Variants in ZNF704 observed in about 807,000 individuals in gnomAD.
ZNF704 encodes zinc finger protein 704, also known as glucocorticoid induced gene 1.
ZNF704 carries 10 observed loss-of-function variants against 44.7 expected under a neutral mutation model. That is an observed-to-expected ratio of 0.22 (90% confidence interval 0.14 to 0.38). The LOEUF (loss-of-function observed/expected upper bound fraction) is 0.38, where lower values mean the gene tolerates loss of function less well. Ranked by LOEUF, ZNF704 falls within the 10% of genes least tolerant of loss-of-function variation. The probability of loss-of-function intolerance (pLI) is 1.00; values close to 1 mark genes in which losing one functional copy is unlikely to be tolerated. For synonymous variants in ZNF704, 211 were observed against 207.6 expected, an observed-to-expected ratio of 1.02 and a Z score of -0.14; for missense variants, 390 against 545.5, an observed-to-expected ratio of 0.71 and a Z score of 2.84.
chr8:80,827,558 T>A (rs1157882489), intron 1 of ZNF704, among the ~76,000 whole-genome samples: 1 of 152,144 alleles, frequency 6.6e-6, no homozygotes, highest in African/African-American at 2.4e-5. Flanking sequence ...TTCACAGAAT[T>A]GGAAAAAAAC....
chr8:80,789,653 G>A (rs1381087103), intron 2 of ZNF704, among the ~76,000 whole-genome samples: 1 of 152,050 alleles, frequency 6.6e-6, no homozygotes, highest in African/African-American at 2.4e-5. Flanking sequence ...TAAGTGGGAG[G>A]ATCTCTTGAG....
chr8:80,872,849 C>G (rs1278226375), intron 1 of ZNF704, among the ~76,000 whole-genome samples: 1 of 152,110 alleles, frequency 6.6e-6, no homozygotes, highest in African/African-American at 2.4e-5. Context: ...TCCTGGTTTC[C>G]TCTTTTTTTC....
intron 2 of ZNF704, among the ~76,000 whole-genome samples, chr8:80,755,311 C>T (rs1807016803): frequency 6.6e-6 from 1 of 151,982 alleles, no homozygotes; most frequent in African/African-American, 2.4e-5. Context: ...CTAAATTAGC[C>T]ACGTGTGGTG....
At chr8:80,684,005 T>G (rs552079428) in intron 4 of ZNF704, among the ~76,000 whole-genome samples, 2 of 152,210 alleles carry the variant, frequency 1.3e-5, no homozygotes, top group Non-Finnish European at 2.9e-5. Context: ...AGTCCTCAAA[T>G]GTCTATTAAA....
intron 7 of ZNF704, among the ~76,000 whole-genome samples, chr8:80,650,888 A>C (rs1285282596): frequency 6.6e-6 from 1 of 152,224 alleles, no homozygotes; most frequent in Non-Finnish European, 1.5e-5. Context: ...GCTGAAATGA[A>C]GGAAAAAATA....
chr8:80,850,056 C>T (rs1327655855), intron 1 of ZNF704, among the ~76,000 whole-genome samples: 1 of 152,100 alleles, frequency 6.6e-6, no homozygotes, highest in African/African-American at 2.4e-5. Context: ...GGATTTCACA[C>T]AAATTTATTA....
chr8:80,870,697 GC>G (rs1809236808), intron 1 of ZNF704, among the ~76,000 whole-genome samples: 1 of 151,896 alleles, frequency 6.6e-6, no homozygotes, highest in South Asian at 2.1e-4. Flanking sequence ...ATAGTGCTGT[GC>G]CCCAGAATCA....
At chr8:80,716,680 C>T (rs1819077406) in intron 2 of ZNF704, among the ~76,000 whole-genome samples, 1 of 152,212 alleles carries the variant, frequency 6.6e-6, no homozygotes, top group African/African-American at 2.4e-5. Context: ...TTGTTCATAA[C>T]TTAGCAAGTT....
chr8:80,760,140 C>T (rs985769844), intron 2 of ZNF704, among the ~76,000 whole-genome samples: 1 of 152,158 alleles, frequency 6.6e-6, no homozygotes, highest in African/African-American at 2.4e-5. Flanking sequence ...ATTCCTGACC[C>T]ACAGATACTA....
rs1173899981 is a variant in ZNF704 at position 80,664,946 on chromosome 8, G to C, written c.796C>G (p.Pro266Ala). ...CTTGAATCTGGGATGGGGAAAGTAG[G>C]AGGTGAAGCCAGGGACTGGGAAGGT... ...VSPSQSLASP[P>A]TFPIPDSSRT... Residue 266 changes from proline (P) to alanine (A), a missense_variant, in exon 6 of 9, where the codon CCT becomes GCT. Physicochemically the swap from Pro to Ala is conservative, Grantham distance 27 (BLOSUM62 -1). Coordinates refer to ENST00000327835, the MANE Select transcript of ZNF704 (RefSeq NM_001033723.3). 1 of 1,614,206 alleles carries C rather than the reference G, an allele frequency of 6.2e-7. No homozygotes were observed. Among genetic ancestry groups the C allele is most frequent in the East Asian group, 2.2e-5 (1 of 44,876 alleles).
At chr8:80,836,365 C>G (rs1206506068) in intron 1 of ZNF704, among the ~76,000 whole-genome samples, 1 of 152,172 alleles carries the variant, frequency 6.6e-6, no homozygotes, top group African/African-American at 2.4e-5. Flanking sequence ...CTTCCTCACC[C>G]TTTTCAGTCT....
intron 1 of ZNF704, among the ~76,000 whole-genome samples, chr8:80,873,161 GAATAA>G (rs1370096031): frequency 6.6e-6 from 1 of 152,156 alleles, no homozygotes; most frequent in Non-Finnish European, 1.5e-5. Flanking sequence ...CCTTGGGGGA[GAATAA>G]AATCTCACTC....
chr8:80,830,685 A>G (rs1204147096), intron 1 of ZNF704, among the ~76,000 whole-genome samples: 1 of 151,874 alleles, frequency 6.6e-6, no homozygotes, highest in Non-Finnish European at 1.5e-5. Context: ...GAAGGAAGGA[A>G]GGAAACCAGA....
At chr8:80,663,757 TA>T (rs1818139834) in intron 6 of ZNF704, among the ~76,000 whole-genome samples, 1 of 152,080 alleles carries the variant, frequency 6.6e-6, no homozygotes, top group African/African-American at 2.4e-5. Context: ...GACAGGGTCT[TA>T]CTCTGTCACC....
chr8:80,649,791 T>C (rs937674120), intron 7 of ZNF704, among the ~76,000 whole-genome samples: 8 of 152,210 alleles, frequency 5.3e-5, no homozygotes, highest in Admixed American at 3.9e-4. Context: ...TAAATGTCCC[T>C]GTCTGACAGC....
chr8:80,695,352 T>G (rs975780584), intron 2 of ZNF704, among the ~76,000 whole-genome samples: 1 of 152,186 alleles, frequency 6.6e-6, no homozygotes, highest in Admixed American at 6.5e-5. Flanking sequence ...CTTCCAAGAC[T>G]GAATTAGGAG....
Position 80,788,892 on chromosome 8 carries a change from T to G in ZNF704, c.221+32482A>C, listed in dbSNP as rs149970024. ...CAAAATCCCCACTTAAAAACAACTA[T>G]GTACTAACCACTGCCCATTTTTCTC... On this transcript the variant is annotated intron_variant, in intron 2 of 8. Coordinates refer to ENST00000327835, the MANE Select transcript of ZNF704 (RefSeq NM_001033723.3). Among the ~76,000 whole-genome samples, 908 of 152,324 alleles carry G rather than the reference T, an allele frequency of 6.0e-3. 20 individuals are homozygous for G. The highest frequency in any genetic ancestry group is 4.9e-3 in the Non-Finnish European group (334 of 68,038).
At chr8:80,716,663 A>T (rs1460730613) in intron 2 of ZNF704, among the ~76,000 whole-genome samples, 1 of 152,178 alleles carries the variant, frequency 6.6e-6, no homozygotes, top group Non-Finnish European at 1.5e-5. Context: ...AGTCCTTTAA[A>T]CTGTTTTTGT....
Position 80,719,807 on chromosome 8 carries a change from G to A in ZNF704, c.222-26700C>T, listed in dbSNP as rs559863863. 5.9e-5 allele frequency among the ~76,000 whole-genome samples: 9 copies of A among 152,314 alleles called. No homozygotes were observed. In the East Asian group the frequency reaches 1.7e-3, roughly 29 times the overall value. The stretch of plus-strand genomic sequence containing the variant: ...GCAAGTTACTGAGCACAAGAGAAAT[G>A]AGCACACTCCAGGCTGAGAACTGAA... On this transcript the variant is annotated intron_variant, in intron 2 of 8. Coordinates refer to ENST00000327835, the MANE Select transcript of ZNF704 (RefSeq NM_001033723.3).
Sources: allele counts gnomAD v4.1 joint callset (sites outside exome capture counted in the v4.1 genomes callset), GRCh38; gene constraint gnomAD v4.1.1; transcripts MANE v1.5; gene names NCBI Gene and HGNC (gene_info 2026-07-23, HGNC 2026-07-21).